Variants in SRPK2 observed in about 807,000 individuals in gnomAD.
SRPK2 encodes SRSF protein kinase 2, also known as SFRS protein kinase 2.
Under a neutral mutation model 90.8 loss-of-function variants are expected in SRPK2, and 21 were observed. That is an observed-to-expected ratio of 0.23 (90% CI 0.16 to 0.33). The LOEUF is 0.33. Among genes scored for constraint, SRPK2 ranks in the 10% least tolerant of loss-of-function variants. The probability of loss-of-function intolerance (pLI) is 1.00; values close to 1 mark genes in which losing one functional copy is unlikely to be tolerated. For synonymous variants in SRPK2, 288 were observed against 311.1 expected (o/e 0.93, Z 0.78); for missense variants, 620 against 869.0 (o/e 0.71, Z 3.60).
intron 2 of SRPK2, among the ~76,000 whole-genome samples, chr7:105,265,350 G>A (rs561651851): frequency 2.0e-5 from 3 of 152,236 alleles, no homozygotes; most frequent in South Asian, 4.2e-4. Flanking sequence ...GTAATCTAGA[G>A]ATGTTTTAAA....
intron 15 of SRPK2, among the ~76,000 whole-genome samples, chr7:105,124,292 G>A (rs1484750366): frequency 1.3e-5 from 2 of 152,048 alleles, no homozygotes; most frequent in African/African-American, 4.8e-5. Context: ...CTTCCTTCCC[G>A]CTGTGCACAG....
chr7:105,195,345 G>A lies in SRPK2; in HGVS notation c.229+8283C>T, dbSNP rs1050075574. On this transcript the variant is annotated intron_variant, in intron 3 of 15. Coordinates refer to ENST00000393651, the MANE Select transcript of SRPK2 (RefSeq NM_182692.3). Reference sequence around the variant, plus strand: ...ATTACAGGCGTGGGCCACCATGCCCGGCCTGCTAAATATGTTTTGTAAAAA... The same window carrying A: ...ATTACAGGCGTGGGCCACCATGCCCAGCCTGCTAAATATGTTTTGTAAAAA... Among the ~76,000 whole-genome samples the A allele has an allele frequency of 2.7e-4, 41 of 152,192 alleles. 1 individual carries two copies. The highest frequency in any genetic ancestry group is 5.9e-4 in the Non-Finnish European group (40 of 68,038).
At chr7:105,285,989 T>C (rs892663738) in intron 2 of SRPK2, among the ~76,000 whole-genome samples, 1 of 152,216 alleles carries the variant, frequency 6.6e-6, no homozygotes, top group African/African-American at 2.4e-5. Flanking sequence ...GCTTTACATA[T>C]AATAATTCTG....
chr7:105,170,116 A>C (rs913013764), intron 3 of SRPK2, among the ~76,000 whole-genome samples: 5 of 152,156 alleles, frequency 3.3e-5, no homozygotes, highest in African/African-American at 9.7e-5. Context: ...CACCTGGCCA[A>C]GGTTCTGTAT....
chr7:105,236,366 C>T (rs1800140111), intron 2 of SRPK2, among the ~76,000 whole-genome samples: 2 of 151,996 alleles, frequency 1.3e-5, no homozygotes, highest in Middle Eastern at 3.4e-3. Flanking sequence ...TTTCTGATAA[C>T]AGAGTGCATC....
intron 2 of SRPK2, among the ~76,000 whole-genome samples, chr7:105,325,097 A>G (rs554648609): frequency 6.6e-6 from 1 of 152,278 alleles, no homozygotes; most frequent in African/African-American, 2.4e-5. Flanking sequence ...AGCAGTCAAC[A>G]TCCTTAAACA....
intron 11 of SRPK2, among the ~76,000 whole-genome samples, chr7:105,141,091 C>A (rs992146858): frequency 5.3e-5 from 8 of 152,200 alleles, no homozygotes; most frequent in African/African-American, 1.9e-4. Context: ...CACCTTCAAA[C>A]ACTCCCTGGA....
Position 105,388,666 on chromosome 7 carries a change from CT to C in SRPK2, c.52del (p.Arg18GlufsTer16). The C allele has an allele frequency of 6.3e-7, 1 of 1,589,474 alleles. No individual in the cohort carries two copies. Among genetic ancestry groups the C allele is most frequent in the Non-Finnish European group, 8.6e-7 (1 of 1,167,778 alleles). ...AIQARKRRPKREKHPKKPEPQ... is the reference protein window; with the variant it reads ...AIQARKRRPKXEKHPKKPEPQ... The stretch of plus-strand genomic sequence containing the variant: ...GACTCACTTTTTCGGATGTTTCTCT[CT>C]TTTCGGCCTCCGCTTTCGGGCCTGA... On this transcript the variant is annotated frameshift_variant, in exon 2 of 16. Coordinates refer to ENST00000393651, the MANE Select transcript of SRPK2 (RefSeq NM_182692.3). LOFTEE classifies it high-confidence loss of function.
At chr7:105,211,131 A>C (rs1405995248) in intron 2 of SRPK2, among the ~76,000 whole-genome samples, 2 of 152,226 alleles carry the variant, frequency 1.3e-5, no homozygotes, top group South Asian at 4.1e-4. Context: ...TAAGCTGCTA[A>C]GGGTGCAGTA....
intron 3 of SRPK2, among the ~76,000 whole-genome samples, chr7:105,185,274 A>T (rs903500498): frequency 1.3e-5 from 2 of 152,022 alleles, no homozygotes; most frequent in African/African-American, 4.8e-5. Flanking sequence ...AAGAAATAAG[A>T]TTTATATCTA....
intron 6 of SRPK2, among the ~76,000 whole-genome samples, chr7:105,162,621 T>G (rs1490721681): frequency 6.6e-6 from 1 of 152,212 alleles, no homozygotes; most frequent in Non-Finnish European, 1.5e-5. Context: ...TTTAAGAATG[T>G]AAGCACTACA....
chr7:105,179,310 C>T (rs1585072987), intron 3 of SRPK2, among the ~76,000 whole-genome samples: 2 of 152,284 alleles, frequency 1.3e-5, no homozygotes, highest in South Asian at 4.2e-4. Context: ...CAAAACTATA[C>T]CTGGGTATAT....
intron 6 of SRPK2, among the ~76,000 whole-genome samples, chr7:105,164,631 T>G (rs906084871): frequency 6.6e-6 from 1 of 152,210 alleles, no homozygotes; most frequent in Non-Finnish European, 1.5e-5. Context: ...AAATAAAGTT[T>G]ATATTCTTTA....
At chr7:105,397,537 C>G (rs907754997) in intron 1 of SRPK2, among the ~76,000 whole-genome samples, 2 of 151,722 alleles carry the variant, frequency 1.3e-5, no homozygotes, top group South Asian at 4.2e-4. Flanking sequence ...ACCATATTGG[C>G]GAGGCTGGTC....
intron 3 of SRPK2, among the ~76,000 whole-genome samples, chr7:105,188,455 T>C (rs1013868537): frequency 1.3e-5 from 2 of 152,176 alleles, no homozygotes; most frequent in African/African-American, 4.8e-5. Context: ...CACACAATTG[T>C]ACCCTTTAAA....
At chr7:105,311,325 T>C (rs1358122995) in intron 2 of SRPK2, among the ~76,000 whole-genome samples, 1 of 152,164 alleles carries the variant, frequency 6.6e-6, no homozygotes, top group Non-Finnish European at 1.5e-5. Context: ...TTCCACCTCC[T>C]GGGTTTAAGC....
chr7:105,388,281 A>G (rs2132840384), intron 2 of SRPK2, among the ~76,000 whole-genome samples: 1 of 151,616 alleles, frequency 6.6e-6, no homozygotes, highest in East Asian at 2.0e-4. Flanking sequence ...GCCCAGCGGC[A>G]GACGCCGGGG....
At chr7:105,145,168 C>G in intron 9 of SRPK2, 115 bp downstream of exon 9, 1 of 669,834 alleles carries the variant, frequency 1.5e-6, no homozygotes, top group Non-Finnish European at 2.2e-6. Context: ...GGATACACAG[C>G]TTTTATAAAT....
rs369911758 is a variant in SRPK2 at position 105,324,100 on chromosome 7, G to A, written c.71+64548C>T. Among the ~76,000 whole-genome samples, 526 of 148,762 alleles carry A rather than the reference G, an allele frequency of 3.5e-3. 5 individuals are homozygous for A. The highest frequency in any genetic ancestry group is 6.2e-3 in the Non-Finnish European group (420 of 67,208). On this transcript the variant is annotated intron_variant, in intron 2 of 15. Coordinates refer to ENST00000393651, the MANE Select transcript of SRPK2 (RefSeq NM_182692.3). ...CAACCTCCACCTCCCGGGTTCAAGC[G>A]ATTCTCCTGCTTCAGCTTCCCAAGT... is the stretch of plus-strand genomic sequence containing the variant.
Sources: gnomAD v4.1 joint callset for allele counts (sites outside exome capture counted in the v4.1 genomes callset) on GRCh38, gnomAD v4.1.1 for gene constraint, MANE v1.5 for transcripts, NCBI Gene and HGNC (gene_info 2026-07-23, HGNC 2026-07-21) for gene names.